The following PAK1 variants were observed in gnomAD, a reference collection of about 807,000 sequenced individuals.
PAK1 encodes the protein serine/threonine-protein kinase PAK 1.
PAK1 carries 29 observed loss-of-function variants against 67.4 expected under a neutral mutation model. The ratio of observed to expected loss-of-function variants is 0.43; its 90% confidence interval spans 0.32 to 0.59. The LOEUF is 0.59. PAK1 is among the 20% of genes least tolerant of loss of function. PAK1 has a pLI of 0.07. For missense variants in PAK1, 337 were observed against 670.7 expected, an observed-to-expected ratio of 0.50 and a Z score of 5.50; for synonymous variants, 223 against 237.4, an observed-to-expected ratio of 0.94 and a Z score of 0.56.
At chr11:77,328,794 T>G (rs1940687168) in intron 14 of PAK1, among the ~76,000 whole-genome samples, 2 of 151,810 alleles carry the variant, frequency 1.3e-5, no homozygotes, top group South Asian at 4.1e-4. Flanking sequence ...AGAGCAGAAC[T>G]GAAGGAAATA....
At chr11:77,518,735 G>A in the PAK1 span, among the ~76,000 whole-genome samples, 16 of 152,130 alleles carry the variant, frequency 1.1e-4, no homozygotes, top group African/African-American at 3.4e-4. Context: ...AGCTAAAGAT[G>A]AGCAAGTTAG....
intron 14 of PAK1, among the ~76,000 whole-genome samples, chr11:77,328,641 G>A (rs1315855140): frequency 1.3e-5 from 2 of 152,124 alleles, no homozygotes; most frequent in Non-Finnish European, 2.9e-5. Flanking sequence ...GCAGTGTGTA[G>A]AGGGAAATGT....
At chr11:77,422,868 G>C (rs1365838331) in intron 1 of PAK1, among the ~76,000 whole-genome samples, 1 of 152,074 alleles carries the variant, frequency 6.6e-6, no homozygotes, top group East Asian at 1.9e-4. Context: ...CAGTAGCCTA[G>C]TAACCTTGAG....
At chr11:77,324,750 T>TAC (rs142981945) in intron 14 of PAK1, among the ~76,000 whole-genome samples, 43,819 of 140,402 alleles carry the variant, frequency 0.31, 6,506 homozygotes, top group South Asian at 0.45. Context: ...TATATATGTA[T>TAC]ACACACACAC....
intron 10 of PAK1, among the ~76,000 whole-genome samples, chr11:77,342,328 G>GATATGATTA (rs1400062793): frequency 6.6e-6 from 1 of 151,994 alleles, no homozygotes; most frequent in Non-Finnish European, 1.5e-5. Context: ...TACTGGTAAA[G>GATATGATTA]ATATGATTAA....
At chr11:77,331,526 A>G (rs1941516427) in intron 14 of PAK1, among the ~76,000 whole-genome samples, 1 of 152,194 alleles carries the variant, frequency 6.6e-6, no homozygotes, top group South Asian at 2.1e-4. Context: ...TCAGCAAACT[A>G]TTGCAAGGAC....
chr11:77,362,785 T>C (rs142869134), intron 5 of PAK1, among the ~76,000 whole-genome samples: 366 of 151,694 alleles, frequency 2.4e-3, no homozygotes, highest in Middle Eastern at 0.014. Context: ...TCTTATCCAA[T>C]AGTAGTATAA....
chr11:77,513,842 C>G, the PAK1 span, among the ~76,000 whole-genome samples: 2 of 152,110 alleles, frequency 1.3e-5, no homozygotes, highest in Admixed American at 1.3e-4. Flanking sequence ...TAAGAATGTC[C>G]TCTCTATATT....
intron 10 of PAK1, among the ~76,000 whole-genome samples, chr11:77,342,428 G>A (rs1400286226): frequency 1.3e-5 from 2 of 152,076 alleles, no homozygotes; most frequent in African/African-American, 2.4e-5. Context: ...TCCACTGATG[G>A]GGAACTCACC....
chr11:77,430,555 C>T (rs1955813136), intron 1 of PAK1, among the ~76,000 whole-genome samples: 1 of 152,062 alleles, frequency 6.6e-6, no homozygotes, highest in South Asian at 2.1e-4. Context: ...CCAATGTGAC[C>T]CACACTATCA....
chr11:77,425,547 T>C (rs893688123), intron 1 of PAK1, among the ~76,000 whole-genome samples: 2 of 152,230 alleles, frequency 1.3e-5, no homozygotes, highest in Non-Finnish European at 1.5e-5. Flanking sequence ...GGCACCCTCC[T>C]GGACCACTCC....
chr11:77,429,295 A>T (rs947525299), intron 1 of PAK1, among the ~76,000 whole-genome samples: 1 of 152,140 alleles, frequency 6.6e-6, no homozygotes, highest in Non-Finnish European at 1.5e-5. Flanking sequence ...GATGCTAGCA[A>T]TAGATTATTA....
intron 1 of PAK1, among the ~76,000 whole-genome samples, chr11:77,420,153 T>C (rs776081040): frequency 8.5e-5 from 13 of 152,148 alleles, no homozygotes; most frequent in Non-Finnish European, 1.6e-4. Flanking sequence ...TGGGTTGGTA[T>C]TGAAGAAGGA....
intron 14 of PAK1, among the ~76,000 whole-genome samples, chr11:77,324,065 G>A (rs776224006): frequency 6.6e-6 from 1 of 152,010 alleles, no homozygotes; most frequent in Non-Finnish European, 1.5e-5. Context: ...CACTTTCACT[G>A]GGCTGTACTT....
At chr11:77,491,722 A>C in the PAK1 span, among the ~76,000 whole-genome samples, 2 of 152,212 alleles carry the variant, frequency 1.3e-5, no homozygotes, top group Non-Finnish European at 2.9e-5. Flanking sequence ...ATTAAAACAT[A>C]CCACCAGAGA....
intron 5 of PAK1, among the ~76,000 whole-genome samples, chr11:77,364,098 C>T (rs1163664800): frequency 1.3e-5 from 2 of 152,244 alleles, no homozygotes; most frequent in African/African-American, 4.8e-5. Flanking sequence ...CCTGAAGCTA[C>T]AGTCCTGAGT....
chr11:77,368,667 T>TA (rs55870092), intron 5 of PAK1, among the ~76,000 whole-genome samples: 105,929 of 151,172 alleles, frequency 0.7, 37,971 homozygotes, highest in African/African-American at 0.85. Flanking sequence ...TTTATTTATT[T>TA]TTTTTTTGAG....
At chr11:77,465,941 C>T (rs903350322) in intron 1 of PAK1, among the ~76,000 whole-genome samples, 1 of 151,970 alleles carries the variant, frequency 6.6e-6, no homozygotes, top group African/African-American at 2.4e-5. Context: ...AGAGCAAGAC[C>T]CTGTCTCAAA....
intron 5 of PAK1, among the ~76,000 whole-genome samples, chr11:77,372,079 A>C (rs1221790378): frequency 6.6e-6 from 1 of 152,242 alleles, no homozygotes; most frequent in Admixed American, 6.5e-5. Context: ...TACTTTGTAC[A>C]TAAGTAATTG....
Sources: gnomAD v4.1 joint callset for allele counts (sites outside exome capture counted in the v4.1 genomes callset) on GRCh38, gnomAD v4.1.1 for gene constraint, MANE v1.5 for transcripts, NCBI Gene and HGNC (gene_info 2026-07-23, HGNC 2026-07-21) for gene names.